Variants in DOCK3 observed in about 807,000 individuals in gnomAD.
DOCK3 encodes the protein dedicator of cytokinesis protein 3.
DOCK3 carries 60 observed loss-of-function variants against 265.6 expected under a neutral mutation model. The observed-to-expected ratio is 0.23, with a 90% CI of 0.18 to 0.28. The LOEUF is 0.28. DOCK3 is among the 10% of genes least tolerant of loss of function. The pLI is 1.00. For synonymous variants in DOCK3, 881 were observed against 938.0 expected, an observed-to-expected ratio of 0.94 and a Z score of 1.11; for missense variants, 1,981 against 2,594.3, an observed-to-expected ratio of 0.76 and a Z score of 5.14.
intron 1 of DOCK3, among the ~76,000 whole-genome samples, chr3:50,746,753 A>C (rs554173496): frequency 6.6e-6 from 1 of 152,230 alleles, no homozygotes; most frequent in African/African-American, 2.4e-5. Flanking sequence ...GAGCAGGAGT[A>C]AGGGGTGGAG....
chr3:50,984,721 T>C (rs1366412366), intron 5 of DOCK3, among the ~76,000 whole-genome samples: 1 of 152,230 alleles, frequency 6.6e-6, no homozygotes. Context: ...ATATGTATAG[T>C]TGGCCTCTGT....
chr3:50,787,428 G>C (rs1041634282), intron 2 of DOCK3: 5 of 406,750 alleles, frequency 1.2e-5, no homozygotes, highest in African/African-American at 8.3e-5. Flanking sequence ...CCAGCTACTC[G>C]GGAGGCTGAG....
At chr3:51,311,403 C>T (rs1411827701) in intron 28 of DOCK3, among the ~76,000 whole-genome samples, 1 of 152,166 alleles carries the variant, frequency 6.6e-6, no homozygotes. Flanking sequence ...TCTCTTGTTC[C>T]AGCAGGACAG....
chr3:50,803,315 G>A (rs1199779574), intron 2 of DOCK3, among the ~76,000 whole-genome samples: 7 of 152,120 alleles, frequency 4.6e-5, no homozygotes, highest in Non-Finnish European at 7.4e-5. Flanking sequence ...GTTTAACAAA[G>A]CACATCTTGG....
intron 2 of DOCK3, among the ~76,000 whole-genome samples, chr3:50,799,724 G>A (rs950062293): frequency 1.3e-5 from 2 of 152,062 alleles, no homozygotes; most frequent in African/African-American, 4.8e-5. Flanking sequence ...GATTGCTCTG[G>A]CTAGGACATC....
chr3:51,176,470 A>T (rs113987414), intron 12 of DOCK3, among the ~76,000 whole-genome samples: 7 of 6,186 alleles, frequency 1.1e-3, no homozygotes, highest in African/African-American at 2.6e-3. Context: ...TAAAAAAAAA[A>T]AAAAAATTAG....
At position 50,689,784 on chromosome 3, in the gene DOCK3, A is replaced by G. The variant is rs1009654358; in HGVS notation, c.37+14484A>G. On this transcript the variant is annotated intron_variant, in intron 1 of 52. Transcript: ENST00000266037. ...CAGTGGGGAGTGGCTGTAAATACAT[A>G]TCGTTGAAGCTTTGCTTCTTTACCC... is the stretch of plus-strand genomic sequence containing the variant. Among the ~76,000 whole-genome samples the G allele has an allele frequency of 2.0e-5, 3 of 152,100 alleles. No homozygotes were observed. In the South Asian group the frequency reaches 6.2e-4, roughly 32 times the overall value.
intron 5 of DOCK3, among the ~76,000 whole-genome samples, chr3:51,005,852 C>G (rs1271915899): frequency 2.6e-5 from 4 of 152,064 alleles, no homozygotes; most frequent in Non-Finnish European, 4.4e-5. Flanking sequence ...AATGAAACAC[C>G]AGATGTCATT....
chr3:50,940,409 T>A (rs1282623973), intron 5 of DOCK3, among the ~76,000 whole-genome samples: 1 of 151,778 alleles, frequency 6.6e-6, no homozygotes, highest in Non-Finnish European at 1.5e-5. Context: ...AAGACCTAAG[T>A]AATGGAGAGG....
chr3:50,782,135 A>G (rs941137744), intron 2 of DOCK3, among the ~76,000 whole-genome samples: 4 of 152,130 alleles, frequency 2.6e-5, no homozygotes, highest in African/African-American at 9.7e-5. Flanking sequence ...CTTCGGGTAT[A>G]TATGCAATAT....
At chr3:51,116,202 A>G (rs1466644468) in intron 9 of DOCK3, among the ~76,000 whole-genome samples, 2 of 152,078 alleles carry the variant, frequency 1.3e-5, no homozygotes, top group Non-Finnish European at 2.9e-5. Flanking sequence ...CTGTAATCCT[A>G]GCACTTTGGG....
At chr3:50,818,976 A>G (rs1388343979) in intron 2 of DOCK3, among the ~76,000 whole-genome samples, 1 of 152,056 alleles carries the variant, frequency 6.6e-6, no homozygotes, top group East Asian at 1.9e-4. Flanking sequence ...TCATAATTCT[A>G]AAGTATGTAA....
At chr3:50,917,547 A>G (rs1259617442) in intron 4 of DOCK3, among the ~76,000 whole-genome samples, 2 of 152,082 alleles carry the variant, frequency 1.3e-5, no homozygotes, top group Non-Finnish European at 2.9e-5. Flanking sequence ...ATAGATGATT[A>G]TGCTCACCCC....
intron 23 of DOCK3, among the ~76,000 whole-genome samples, chr3:51,268,728 C>T (rs2080330844): frequency 6.6e-6 from 1 of 152,122 alleles, no homozygotes; most frequent in Admixed American, 6.6e-5. Flanking sequence ...TACCTTAAGG[C>T]TTCCTTGACT....
intron 22 of DOCK3, among the ~76,000 whole-genome samples, chr3:51,247,619 G>A (rs2078900859): frequency 6.6e-6 from 1 of 152,088 alleles, no homozygotes; most frequent in Non-Finnish European, 1.5e-5. Flanking sequence ...AGACTGAAGG[G>A]GCAAAATCAA....
intron 3 of DOCK3, among the ~76,000 whole-genome samples, chr3:50,842,822 A>T (rs2045903232): frequency 6.6e-6 from 1 of 152,216 alleles, no homozygotes; most frequent in African/African-American, 2.4e-5. Context: ...TTTATTTTTT[A>T]AATTTTGATT....
intron 5 of DOCK3, among the ~76,000 whole-genome samples, chr3:51,008,362 T>A (rs2078776838): frequency 6.6e-6 from 1 of 152,186 alleles, no homozygotes; most frequent in Admixed American, 6.5e-5. Flanking sequence ...CAAGTTGTAT[T>A]CCTAGGTATT....
intron 27 of DOCK3, among the ~76,000 whole-genome samples, chr3:51,281,388 G>A (rs374142367): frequency 4.0e-5 from 6 of 151,376 alleles, no homozygotes; most frequent in East Asian, 3.9e-4. Context: ...CCCATGGGCC[G>A]TGGGTTAGAC....
At chr3:51,110,219 G>A (rs994997915) in intron 9 of DOCK3, among the ~76,000 whole-genome samples, 3 of 151,996 alleles carry the variant, frequency 2.0e-5, no homozygotes, top group Non-Finnish European at 2.9e-5. Context: ...TAGACCAGAC[G>A]GATTCACAGC....
Sources: gnomAD v4.1 joint callset for allele counts (sites outside exome capture counted in the v4.1 genomes callset) on GRCh38, gnomAD v4.1.1 for gene constraint, MANE v1.5 for transcripts, NCBI Gene and HGNC (gene_info 2026-07-23, HGNC 2026-07-21) for gene names.